The following TM9SF4 variants were observed in gnomAD, a reference collection of about 807,000 sequenced individuals.
TM9SF4 encodes the protein transmembrane 9 superfamily member 4, also known as dinucleotide oxidase disulfide thiol exchanger 3 superfamily member 4.
Under a neutral mutation model 90.4 loss-of-function variants are expected in TM9SF4, and 26 were observed. The observed-to-expected ratio is 0.29, with a 90% CI of 0.21 to 0.40. The LOEUF is 0.40. Ranked by LOEUF, TM9SF4 falls within the 10% of genes least tolerant of loss-of-function variation. The pLI is 1.00. For synonymous variants in TM9SF4, 293 were observed against 315.4 expected (o/e 0.93, Z 0.75); for missense variants, 549 against 834.8 (o/e 0.66, Z 4.22).
Position 32,160,119 on chromosome 20 carries a change from G to T in TM9SF4, c.1689+8G>T, listed in dbSNP as rs1445515910. 1 of 1,613,996 alleles carries T rather than the reference G, an allele frequency of 6.2e-7. No individual in the cohort carries two copies. Among genetic ancestry groups the T allele is most frequent in the African/African-American group, 1.3e-5 (1 of 74,930 alleles). On this transcript the variant is annotated splice_region_variant and intron_variant, in intron 16 of 17. Coordinates refer to ENST00000398022, the MANE Select transcript of TM9SF4 (RefSeq NM_014742.4). ...TTCCAGCTGTGTGCAGAGGTGAGGA[G>T]AGCAGGGCCAGGAGGCGGGGGAGGG...
chr20:32,125,203 T>G (rs747862256), intron 1 of TM9SF4, among the ~76,000 whole-genome samples: 1 of 152,188 alleles, frequency 6.6e-6, no homozygotes, highest in Non-Finnish European at 1.5e-5. Flanking sequence ...TGCTTTCTTG[T>G]GCAACCCAAA....
intron 5 of TM9SF4, among the ~76,000 whole-genome samples, chr20:32,142,610 C>A (rs2046697760): frequency 6.6e-6 from 1 of 151,984 alleles, no homozygotes. Flanking sequence ...GGAGGTGGGC[C>A]ATGAGAAGTT....
intron 1 of TM9SF4, 84 bp downstream of exon 1, chr20:32,109,839 C>T (rs2122288903): frequency 6.5e-7 from 1 of 1,547,152 alleles, no homozygotes; most frequent in Non-Finnish European, 8.7e-7. Context: ...CATGCCTGGC[C>T]CTGAGCCACC....
intron 1 of TM9SF4, among the ~76,000 whole-genome samples, chr20:32,120,820 C>T (rs191787739): frequency 1.6e-4 from 25 of 152,178 alleles, no homozygotes; most frequent in Admixed American, 1.5e-3. Flanking sequence ...CCTTCTAGTC[C>T]TAAATTGTTG....
intron 13 of TM9SF4, among the ~76,000 whole-genome samples, chr20:32,155,812 G>A (rs911898004): frequency 6.6e-6 from 1 of 152,196 alleles, no homozygotes; most frequent in Non-Finnish European, 1.5e-5. Context: ...CCCTCCACCT[G>A]GGGGTGGCGG....
intron 15 of TM9SF4, 136 bp downstream of exon 15, chr20:32,158,650 T>G: frequency 1.1e-6 from 1 of 876,264 alleles, no homozygotes; most frequent in East Asian, 2.5e-5. Flanking sequence ...TTCTTCACCC[T>G]GAAATTGGAC....
chr20:32,155,068 G>A (rs1287670546), intron 12 of TM9SF4, 35 bp from the exon 13 acceptor site: 4 of 1,593,242 alleles, frequency 2.5e-6, no homozygotes, highest in African/African-American at 1.3e-5. Context: ...GAGGTCCCTG[G>A]ATGCTGCTCC....
chr20:32,134,123 C>T (rs1353179065), intron 2 of TM9SF4, among the ~76,000 whole-genome samples: 1 of 152,058 alleles, frequency 6.6e-6, no homozygotes, highest in Non-Finnish European at 1.5e-5. Flanking sequence ...CCCAAGACCC[C>T]ATCTCTTAAC....
intron 1 of TM9SF4, among the ~76,000 whole-genome samples, chr20:32,112,627 G>A (rs2046160665): frequency 6.6e-6 from 1 of 150,620 alleles, no homozygotes; most frequent in Admixed American, 6.6e-5. Context: ...CCGGGAGGCG[G>A]AGGCTACAGT....
intron 15 of TM9SF4, 80 bp downstream of exon 15, chr20:32,158,594 C>A: frequency 6.8e-7 from 1 of 1,472,696 alleles, no homozygotes; most frequent in Non-Finnish European, 9.5e-7. Context: ...CTGCTGCCTA[C>A]TGCCTGAGAA....
At chr20:32,137,034 G>T in intron 3 of TM9SF4, 2 of 461,498 alleles carry the variant, frequency 4.3e-6, no homozygotes, top group Non-Finnish European at 8.8e-6. Flanking sequence ...GGCAGGCCTT[G>T]GAGCCAGTTT....
chr20:32,161,482 G>T, intron 17 of TM9SF4, 117 bp downstream of exon 17: 1 of 873,998 alleles, frequency 1.1e-6, no homozygotes, highest in South Asian at 1.5e-5. Context: ...GAATGGGGAG[G>T]ACCAAAGCCA....
At chr20:32,130,566 G>A (rs2046495639) in intron 1 of TM9SF4, among the ~76,000 whole-genome samples, 1 of 152,242 alleles carries the variant, frequency 6.6e-6, no homozygotes. Flanking sequence ...GCCTAGTCAG[G>A]TGGAGGAGGT....
Position 32,165,547 on chromosome 20 carries a change from A to G in TM9SF4, c.*103A>G, listed in dbSNP as rs939001668. On this transcript the variant is annotated 3_prime_UTR_variant, in exon 18 of 18. Coordinates refer to ENST00000398022, the MANE Select transcript of TM9SF4 (RefSeq NM_014742.4). ...ATAAAATAACTCCTGCTCGTTTGGA[A>G]TGTAACTCCTGGCACAGTGTTCCTG... The G allele has an allele frequency of 1.1e-5, 15 of 1,374,168 alleles. No homozygotes were observed. Among genetic ancestry groups the G allele is most frequent in the Middle Eastern group, 2.2e-4 (1 of 4,640 alleles). The allele number at this position is 1,374,168 out of a possible 1,614,324, so 85.1% of individuals were successfully genotyped here. A position where few individuals can be genotyped will look rare whatever the true frequency, so the allele number is the denominator to read the frequency against.
At chr20:32,161,182 T>C in intron 16 of TM9SF4, 94 bp from the exon 17 acceptor site, 11 of 1,004,508 alleles carry the variant, frequency 1.1e-5, no homozygotes, top group Non-Finnish European at 1.7e-5. Flanking sequence ...GTTACTGCTC[T>C]TACCAGAGTC....
At chr20:32,163,268 A>AAAAAAAATATATATATAT (rs1555886757) in intron 17 of TM9SF4, among the ~76,000 whole-genome samples, 1 of 74,498 alleles carries the variant, frequency 1.3e-5, no homozygotes, top group African/African-American at 5.9e-5. Context: ...AAAAAAAAAA[A>AAAAAAAATATATATATAT]ATATATATAT....
At chr20:32,156,937 A>ATTTTTTTTTTTTTT (rs1244272103) in intron 13 of TM9SF4, among the ~76,000 whole-genome samples, 1 of 63,064 alleles carries the variant, frequency 1.6e-5, no homozygotes, top group African/African-American at 1.1e-4. Flanking sequence ...TTTCCTGGAC[A>ATTTTTTTTTTTTTT]TTTTCTTTTT....
At chr20:32,154,156 T>G (rs1157000319) in intron 12 of TM9SF4, among the ~76,000 whole-genome samples, 4 of 152,030 alleles carry the variant, frequency 2.6e-5, no homozygotes, top group Non-Finnish European at 5.9e-5. Flanking sequence ...TTTAGGGTTT[T>G]TGTGTGTGTG....
At position 32,141,887 on chromosome 20, in the gene TM9SF4, G is replaced by A. The variant is rs756433325; in HGVS notation, c.520G>A (p.Val174Ile). 4 of 1,613,958 alleles carry A rather than the reference G, an allele frequency of 2.5e-6. No homozygotes were observed. Among genetic ancestry groups the A allele is most frequent in the East Asian group, 2.2e-5 (1 of 44,890 alleles). Residue 174 changes from valine (V) to isoleucine (I), a missense_variant, in exon 5 of 18, where the codon GTC becomes ATC. This residue lies in a region of TM9SF4 where 495 missense variants were observed against 711.7 expected (regional missense o/e 0.70). Transcript: ENST00000398022. ...EHGYRLGFTD[V>I]NKIYLHNHLS... The stretch of plus-strand genomic sequence containing the variant: ...CGGCTACCGGCTCGGCTTCACAGAT[G>A]TCAACAAGGTAGAGTGTCTTTGGCG...
Sources: gnomAD v4.1 joint callset for allele counts (sites outside exome capture counted in the v4.1 genomes callset) on GRCh38, gnomAD v4.1.1 for gene constraint, gnomAD v4.1.1 regional missense constraint, MANE v1.5 for transcripts, NCBI Gene and HGNC (gene_info 2026-07-23, HGNC 2026-07-21) for gene names.